Variants in HDGFL3 observed in about 807,000 individuals in gnomAD.
HDGFL3 encodes hepatoma-derived growth factor-related protein 3.
Under a neutral mutation model 27.6 loss-of-function variants are expected in HDGFL3, and 6 were observed. That is an observed-to-expected ratio of 0.22 (90% CI 0.12 to 0.43). HDGFL3 has a LOEUF of 0.43. HDGFL3 is among the 20% of genes least tolerant of loss of function. HDGFL3 has a pLI of 1.00. For synonymous variants in HDGFL3, 88 were observed against 88.9 expected (o/e 0.99, Z 0.05); for missense variants, 207 against 250.1 (o/e 0.83, Z 1.16).
intron 5 of HDGFL3, among the ~76,000 whole-genome samples, chr15:83,144,081 G>A (rs1567165652): frequency 6.6e-6 from 1 of 152,148 alleles, no homozygotes. Context: ...CACCAGACAA[G>A]GCTGCCCACC....
chr15:83,193,324 A>G (rs1710045017), intron 1 of HDGFL3, among the ~76,000 whole-genome samples: 1 of 152,224 alleles, frequency 6.6e-6, no homozygotes, highest in Non-Finnish European at 1.5e-5. Context: ...CAATAAGCAC[A>G]CGAAAAGATG....
At chr15:83,189,021 A>G (rs1367222275) in intron 1 of HDGFL3, among the ~76,000 whole-genome samples, 1 of 152,124 alleles carries the variant, frequency 6.6e-6, no homozygotes, top group African/African-American at 2.4e-5. Flanking sequence ...TCCCCCTCAC[A>G]GACATATCTC....
intron 1 of HDGFL3, chr15:83,169,107 G>A: frequency 3.6e-6 from 1 of 274,526 alleles, no homozygotes; most frequent in Non-Finnish European, 7.4e-6. Context: ...AGGTATTGAA[G>A]GAACATATCT....
intron 1 of HDGFL3, among the ~76,000 whole-genome samples, chr15:83,165,881 T>C (rs905249824): frequency 6.8e-6 from 1 of 146,070 alleles, no homozygotes; most frequent in Admixed American, 6.8e-5. Flanking sequence ...TCTTTTGAAC[T>C]AGTCCAGGCA....
At chr15:83,190,549 A>T (rs1005786909) in intron 1 of HDGFL3, among the ~76,000 whole-genome samples, 3 of 151,222 alleles carry the variant, frequency 2.0e-5, no homozygotes, top group Admixed American at 6.6e-5. Context: ...GAGGCAGAGC[A>T]TCTTTTCATA....
chr15:83,147,335 C>A (rs1426565553), intron 5 of HDGFL3, among the ~76,000 whole-genome samples: 1 of 152,154 alleles, frequency 6.6e-6, no homozygotes, highest in Non-Finnish European at 1.5e-5. Flanking sequence ...GCTGGGACTA[C>A]AGGTGTGAGC....
intron 4 of HDGFL3, among the ~76,000 whole-genome samples, chr15:83,155,043 T>C (rs551348439): frequency 7.9e-5 from 12 of 152,146 alleles, no homozygotes; most frequent in African/African-American, 2.2e-4. Flanking sequence ...AATTTTATTA[T>C]TTGTGGAGAT....
chr15:83,160,181 T>C (rs1428756600), intron 2 of HDGFL3, among the ~76,000 whole-genome samples: 1 of 151,952 alleles, frequency 6.6e-6, no homozygotes, highest in Non-Finnish European at 1.5e-5. Flanking sequence ...GAGTTGAGGA[T>C]ATCTCTAAGG....
rs1466573195 is a variant in HDGFL3 at position 83,138,101 on chromosome 15, T to A, written c.*1169A>T. The A allele has an allele frequency of 6.6e-6, 1 of 152,588 alleles. No individual in the cohort carries two copies. Among genetic ancestry groups the A allele is most frequent in the African/African-American group, 2.4e-5 (1 of 41,452 alleles). The allele number at this position is 152,588 out of a possible 1,614,324, so 9.5% of individuals were successfully genotyped here. On this transcript the variant is annotated 3_prime_UTR_variant, in exon 6 of 6. Transcript: ENST00000299633. ...TTTTGCTTTAATATATGAATTACAT[T>A]AATACCTCACGTTACATATATGAAG...
chr15:83,116,218 ATAAAT>A (rs2034647312), intron 3 of HDGFL3, among the ~76,000 whole-genome samples: 1 of 152,220 alleles, frequency 6.6e-6, no homozygotes, highest in Non-Finnish European at 1.5e-5. Context: ...TGTATTTAAT[ATAAAT>A]AAGGTACCTT....
At chr15:83,205,292 T>C (rs1325581129) in intron 1 of HDGFL3, among the ~76,000 whole-genome samples, 1 of 152,246 alleles carries the variant, frequency 6.6e-6, no homozygotes. Context: ...CTTTGGAAAT[T>C]GCAGCATGCC....
intron 2 of HDGFL3, 61 bp from the exon 3 acceptor site, chr15:83,158,102 A>T: frequency 7.1e-7 from 1 of 1,408,016 alleles, no homozygotes. Flanking sequence ...GATATTTTAA[A>T]TATCAGTATC....
intron 1 of HDGFL3, among the ~76,000 whole-genome samples, chr15:83,176,888 T>C (rs926155587): frequency 3.0e-5 from 4 of 133,276 alleles, no homozygotes; most frequent in Non-Finnish European, 6.3e-5. Flanking sequence ...AAATTTCCTA[T>C]TTTTTATTAA....
chr15:83,165,114 C>G (rs575043637), intron 1 of HDGFL3, among the ~76,000 whole-genome samples: 1 of 152,332 alleles, frequency 6.6e-6, no homozygotes, highest in South Asian at 2.1e-4. Context: ...TCTGGTTATA[C>G]GCCAGCTTCC....
In HDGFL3 at chr15:83,127,815, G is replaced by T. The variant is rs546329062; in HGVS notation, c.*11455C>A. On this transcript the variant is annotated 3_prime_UTR_variant, in exon 6 of 6. Coordinates refer to ENST00000299633, the MANE Select transcript of HDGFL3 (RefSeq NM_016073.4). ...CTGAATACCATGGCTACTAAAAAAG[G>T]ATTGAGAGCTGTCACCTTCAAAATG... The T allele has an allele frequency of 7.4e-6, 2 of 269,238 alleles. No individual in the cohort carries two copies. Among genetic ancestry groups the T allele is most frequent in the East Asian group, 1.4e-4 (1 of 7,140 alleles). The allele number at this position is 269,238 out of a possible 1,614,324, so 16.7% of individuals were successfully genotyped here. A position where few individuals can be genotyped will look rare whatever the true frequency, so the allele number is the denominator to read the frequency against.
At chr15:83,191,681 A>T (rs982795497) in intron 1 of HDGFL3, among the ~76,000 whole-genome samples, 11 of 152,114 alleles carry the variant, frequency 7.2e-5, no homozygotes, top group Non-Finnish European at 1.0e-4. Context: ...ACTTTCTTTT[A>T]TTATACTCTG....
At chr15:83,122,965 T>G, downstream of HDGFL3, 1 of 1,488,072 alleles carries the variant, frequency 6.7e-7, no homozygotes, top group Non-Finnish European at 9.2e-7. Flanking sequence ...ACCATGCCTC[T>G]GTGGACTGGA....
Position 83,133,833 on chromosome 15 carries a change from G to C in HDGFL3, c.*5437C>G, listed in dbSNP as rs1175646892. 2.6e-5 allele frequency: 4 copies of C among 152,176 alleles called. No individual in the cohort carries two copies. The highest frequency in any genetic ancestry group is 6.5e-5 in the Admixed American group (1 of 15,272). 9.4% of individuals were successfully genotyped at this position (152,176 alleles called of 1,614,324 possible). On this transcript the variant is annotated 3_prime_UTR_variant, in exon 6 of 6. Coordinates refer to ENST00000299633, the MANE Select transcript of HDGFL3 (RefSeq NM_016073.4). Reference sequence around the variant, plus strand: ...CTGTTTTTCTGAACTTCAGAACCCTGAACACTTAACATCCTATGCCTTAGG... The same window carrying C: ...CTGTTTTTCTGAACTTCAGAACCCTCAACACTTAACATCCTATGCCTTAGG...
At chr15:83,182,687 T>C (rs1363235534) in intron 1 of HDGFL3, among the ~76,000 whole-genome samples, 1 of 152,146 alleles carries the variant, frequency 6.6e-6, no homozygotes, top group East Asian at 1.9e-4. Flanking sequence ...ATGGTAATAT[T>C]TTATACAGGT....
Sources: allele counts gnomAD v4.1 joint callset (sites outside exome capture counted in the v4.1 genomes callset), GRCh38; gene constraint gnomAD v4.1.1; transcripts MANE v1.5; gene names NCBI Gene and HGNC (gene_info 2026-07-23, HGNC 2026-07-21).